AGRN: variants seen among roughly 807,000 people sequenced by gnomAD.
The protein encoded by AGRN is agrin proteoglycan.
AGRN carries 106 observed loss-of-function variants against 211.0 expected under a neutral mutation model. That is an observed-to-expected ratio of 0.50 (90% CI 0.43 to 0.59). The LOEUF (loss-of-function observed/expected upper bound fraction) is 0.59, where lower values mean the gene tolerates loss of function less well. Among genes scored for constraint, AGRN ranks in the 20% least tolerant of loss-of-function variants. AGRN has a pLI of 0.00. For synonymous variants in AGRN, 1,525 were observed against 1,332.5 expected (o/e 1.14, Z -3.15); for missense variants, 3,040 against 2,982.6 (o/e 1.02, Z -0.45).
chr1:1,043,389 C>T lies in AGRN; in HGVS notation c.1535C>T (p.Ala512Val), dbSNP rs375076629. The change falls in exon 8 of 36, where the codon GCG becomes GTG. Residue 512 changes from alanine (A) to valine (V), a missense_variant. Coordinates refer to ENST00000379370, the MANE Select transcript of AGRN (RefSeq NM_198576.4). ...AGCGACGGCGTCACATACGGCAGCG[C>T]GTGCGAGCTGGAGGCCACGGCCTGT... ...CGSDGVTYGS[A>V]CELEATACTL... 32 of 1,608,834 alleles carry T rather than the reference C, an allele frequency of 2.0e-5. No homozygotes were observed. The highest frequency in any genetic ancestry group is 1.3e-4 in the South Asian group (12 of 90,510).
Position 1,054,470 on chromosome 1 carries a change from C to T in AGRN, c.5899C>T (p.Gln1967Ter). The change falls in exon 35 of 36, where the codon CAG (glutamine) becomes TAG (stop). Residue 1967 changes from glutamine (Q) to a stop codon, truncating the protein, a stop_gained. Transcript: ENST00000379370. LOFTEE classifies it high-confidence loss of function. ...AHREQREGSL[Q>*]VGNEAPVTGS... ...CAGGGAGCAGAGGGAAGGTTCCCTGCAGGTGGGCAATGAGGCCCCTGTGAC... is the reference window on the plus strand; with the variant it reads ...CAGGGAGCAGAGGGAAGGTTCCCTGTAGGTGGGCAATGAGGCCCCTGTGAC... 1 of 1,596,686 alleles carries T rather than the reference C, an allele frequency of 6.3e-7. No individual in the cohort carries two copies. The highest frequency in any genetic ancestry group is 8.5e-7 in the Non-Finnish European group (1 of 1,172,152).
At position 1,045,883 on chromosome 1, in the gene AGRN, G is replaced by A. The variant is rs772001221; in HGVS notation, c.2680+7G>A. On this transcript the variant is annotated splice_region_variant and intron_variant, in intron 15 of 35. Coordinates refer to ENST00000379370, the MANE Select transcript of AGRN (RefSeq NM_198576.4). ...CCCGCGGGCTGTGAAGCTGGTGAGT[G>A]AGGGCCAGCGCTACCCTGGGGCTTC... 1.2e-6 allele frequency: 2 copies of A among 1,610,452 alleles called. No individual in the cohort carries two copies. The highest frequency in any genetic ancestry group is 1.7e-6 in the Non-Finnish European group (2 of 1,179,892).
At position 1,041,665 on chromosome 1, in the gene AGRN, C is replaced by G; in HGVS notation, c.1140C>G (p.Leu380=). 3 of 1,611,044 alleles carry G rather than the reference C, an allele frequency of 1.9e-6. No individual in the cohort carries two copies. Among genetic ancestry groups the G allele is most frequent in the Non-Finnish European group, 2.5e-6 (3 of 1,179,184 alleles). Residue 380 remains leucine (L), a synonymous_variant, in exon 6 of 36, where the codon CTC becomes CTG. Coordinates refer to ENST00000379370, the MANE Select transcript of AGRN (RefSeq NM_198576.4). The stretch of plus-strand genomic sequence containing the variant: ...GATCGGGGGCCGCCCGGGGTCTCCT[C>G]CTGCAGAAAGTGCGCTCCGGCCAGT... ...MGRSGAARGL[L]LQKVRSGQCQ... is the part of the protein sequence containing the mutation.
In AGRN at chr1:1,044,430, G is replaced by A. The variant is rs1278297283; in HGVS notation, c.2245G>A (p.Ala749Thr). The A allele has an allele frequency of 6.2e-6, 10 of 1,608,522 alleles. No homozygotes were observed. The highest frequency in any genetic ancestry group is 8.5e-6 in the Non-Finnish European group (10 of 1,177,950). Reference protein sequence around the residue: ...QRGLYVAAQGACRGPTFAPLP... With the variant: ...QRGLYVAAQGTCRGPTFAPLP... ...AGGGCTCTACGTAGCGGCCCAGGGA[G>A]CCTGCCGAGGTGAGCCGGCTGCACG... Residue 749 changes from alanine to threonine, a missense_variant, in exon 12 of 36, where the codon GCC becomes ACC. Physicochemically the swap from Ala to Thr is moderately conservative, Grantham distance 58 (BLOSUM62 0). This residue lies in a region of AGRN where 1,498 missense variants were observed against 1,457.8 expected (regional missense o/e 1.03). Transcript: ENST00000379370.
rs1645193614 is a variant in AGRN, at chr1:1,049,115, CG to C, written c.4298+61del. ...CTCAGGTGGGCGGGGAGGGGACGGGCGGGGGAGGGGGGGCCGGGGCAGCTCA... is the reference window on the plus strand; with the variant it reads ...CTCAGGTGGGCGGGGAGGGGACGGGCGGGGAGGGGGGGCCGGGGCAGCTCA... On this transcript the variant is annotated intron_variant, in intron 24 of 35. Transcript: ENST00000379370. 5.4e-3 allele frequency: 448 copies of C among 83,226 alleles called. 13 individuals carry two copies. Among genetic ancestry groups the C allele is most frequent in the African/African-American group, 0.047 (320 of 6,790 alleles). The allele number at this position is 83,226 out of a possible 1,614,324, so 5.2% of individuals were successfully genotyped here. A position where few individuals can be genotyped will look rare whatever the true frequency, so the allele number is the denominator to read the frequency against.
At position 1,047,659 on chromosome 1, in the gene AGRN, C is replaced by T. The variant is rs749229259; in HGVS notation, c.3603C>T (p.Arg1201=). 11 of 1,612,990 alleles carry T rather than the reference C, an allele frequency of 6.8e-6. No homozygotes were observed. Among genetic ancestry groups the T allele is most frequent in the Middle Eastern group, 1.6e-4 (1 of 6,084 alleles). ...LRDLGPGKSV[R]AIVDVHFDPT... Reference sequence around the variant, plus strand: ...ACCTGGGGCCCGGCAAATCCGTCCGCGCCATTGTGGATGTGCACTTTGACC... The same window carrying T: ...ACCTGGGGCCCGGCAAATCCGTCCGTGCCATTGTGGATGTGCACTTTGACC... Residue 1201 remains arginine, a synonymous_variant, in exon 21 of 36, where the codon CGC becomes CGT. Transcript: ENST00000379370.
At chr1:1,050,382 G>A (rs199935969) in intron 28 of AGRN, 45 bp from the exon 29 acceptor site, 4 of 1,612,784 alleles carry the variant, frequency 2.5e-6, no homozygotes, top group Non-Finnish European at 3.4e-6. Flanking sequence ...CGTCTCTCCT[G>A]TGGGGAGGGG....
rs372623851 is a variant in AGRN at position 1,042,026 on chromosome 1, C to T, written c.1248C>T (p.Cys416=). 62 of 1,610,332 alleles carry T rather than the reference C, an allele frequency of 3.9e-5. No individual in the cohort carries two copies. The Middle Eastern group carries it at 1.3e-3, about 34-fold the overall frequency. The change falls in exon 7 of 36, where the codon TGC becomes TGT. Residue 416 remains cysteine, a synonymous_variant. Coordinates refer to ENST00000379370, the MANE Select transcript of AGRN (RefSeq NM_198576.4). ...LSRRGRPRCS[C]DRVTCDGAYR... is the part of the protein sequence containing the mutation. ...GCCGTGGCCGTCCCCGCTGCTCCTG[C>T]GACCGCGTCACCTGTGACGGGGCCT...
Position 1,049,679 on chromosome 1 carries a change from C to G in AGRN, c.4628C>G (p.Ser1543Cys). The change falls in exon 26 of 36, where the codon TCT becomes TGT. Residue 1543 changes from serine to cysteine, a missense_variant. By Grantham distance (112) the Ser-to-Cys change is moderately radical. Transcript: ENST00000379370. ...GIGPGAATRG[S>C]GVGECGDHPC... ...GGGCCGGGGGCTGCCACCCGAGGCT[C>G]TGGCGTGGGCGAGTGCGGGGACCAC... is the stretch of plus-strand genomic sequence containing the variant. 6.4e-7 allele frequency: 1 copy of G among 1,574,370 alleles called. No individual in the cohort carries two copies. The highest frequency in any genetic ancestry group is 8.6e-7 in the Non-Finnish European group (1 of 1,161,100).
chr1:1,050,823 T>C lies in AGRN; in HGVS notation c.5239T>C (p.Leu1747=), dbSNP rs762628791. The C allele has an allele frequency of 1.9e-6, 3 of 1,583,212 alleles. No homozygotes were observed. Among genetic ancestry groups the C allele is most frequent in the Non-Finnish European group, 1.7e-6 (2 of 1,169,026 alleles). Residue 1747 remains leucine (L), a synonymous_variant, in exon 30 of 36, where the codon TTG becomes CTG. Transcript: ENST00000379370. The stretch of plus-strand genomic sequence containing the variant: ...GCGTGTGGGCGACGGCCCCCGTGTG[T>C]TGGGGGAGTCCCCGGTGAGTGCTCT... ...ALRVGDGPRV[L]GESPVPHTVL...
At chr1:1,035,947 TGGTGTGAG>T (rs1278619531) in intron 3 of AGRN, among the ~76,000 whole-genome samples, 3 of 150,742 alleles carry the variant, frequency 2.0e-5, no homozygotes, top group South Asian at 2.1e-4. Flanking sequence ...GTCATCGGGG[TGGTGTGAG>T]GGTGTGAGGG....
chr1:1,049,093 A>T, intron 24 of AGRN, 34 bp downstream of exon 24: 1 of 625,284 alleles, frequency 1.6e-6, no homozygotes, highest in African/African-American at 2.9e-5. Context: ...GGGGCAGCTC[A>T]GGTGGGCGGG....
chr1:1,054,975 C>G lies in AGRN; in HGVS notation c.6132C>G (p.Thr2044=), dbSNP rs752905025. The G allele has an allele frequency of 3.9e-6, 6 of 1,548,686 alleles. No individual in the cohort carries two copies. In the East Asian group the frequency reaches 1.2e-4, roughly 32 times the overall value. The change falls in exon 36 of 36, where the codon ACC becomes ACG. Residue 2044 remains threonine (T), a synonymous_variant. Transcript: ENST00000379370. Reference sequence around the variant, plus strand: ...AGCCAGAGCTGCGGCCCTGCCCCACCCCATGAGCTGGCACCAGAGCCCCGC... The same window carrying G: ...AGCCAGAGCTGCGGCCCTGCCCCACGCCATGAGCTGGCACCAGAGCCCCGC... The part of the protein sequence containing the change: ...VTKPELRPCP[T]P
intron 2 of AGRN, chr1:1,034,330 A>T: frequency 5.1e-6 from 5 of 985,346 alleles, no homozygotes; most frequent in Non-Finnish European, 6.0e-6. Context: ...CACATTTGGG[A>T]TTTCTACTCC....
intron 3 of AGRN, among the ~76,000 whole-genome samples, chr1:1,037,844 G>A (rs181109475): frequency 4.6e-5 from 7 of 152,276 alleles, no homozygotes; most frequent in African/African-American, 1.2e-4. Context: ...ATCTCGGGGC[G>A]TGGCTGCTGC....
chr1:1,047,159 C>T, intron 19 of AGRN, 168 bp from the exon 20 acceptor site: 1 of 1,354,726 alleles, frequency 7.4e-7, no homozygotes, highest in Non-Finnish European at 9.9e-7. Context: ...GAGGAGTCCT[C>T]CTGGTAACCG....
In AGRN at chr1:1,049,601, G is replaced by A; in HGVS notation, c.4550G>A (p.Arg1517Lys). The change falls in exon 26 of 36, where the codon AGG becomes AAG. Residue 1517 changes from arginine to lysine, a missense_variant. By Grantham distance (26) the Arg-to-Lys change is conservative. This residue lies in a region of AGRN where 1,537 missense variants were observed against 1,505.0 expected (regional missense o/e 1.02). Transcript: ENST00000379370. Reference sequence around the variant, plus strand: ...CGGACCTTCGTGGGCGCCGGCCTGAGGGGGTGCATCCGTTTGCTGGACGTC... The same window carrying A: ...CGGACCTTCGTGGGCGCCGGCCTGAAGGGGTGCATCCGTTTGCTGGACGTC... ...LERTFVGAGL[R>K]GCIRLLDVNN... 6.3e-7 allele frequency: 1 copy of A among 1,592,020 alleles called. No individual in the cohort carries two copies. The highest frequency in any genetic ancestry group is 8.5e-7 in the Non-Finnish European group (1 of 1,170,352).
At position 1,035,342 on chromosome 1, in the gene AGRN, C is replaced by T. The variant is rs372583504; in HGVS notation, c.511+18C>T. On this transcript the variant is annotated intron_variant, in intron 3 of 35. Transcript: ENST00000379370. ...TCCTGATGGTGAGTAGGGCTGAGTT[C>T]GGGGGACCTGGATGGGCTGTGGCAC... is the stretch of plus-strand genomic sequence containing the variant. The T allele has an allele frequency of 1.7e-4, 280 of 1,612,970 alleles. No homozygotes were observed. The highest frequency in any genetic ancestry group is 3.0e-4 in the Admixed American group (18 of 60,030).
rs1421236305 is a variant in AGRN, at chr1:1,051,821, G to A, written c.5651+6G>A. 1 of 1,613,464 alleles carries A rather than the reference G, an allele frequency of 6.2e-7. No homozygotes were observed. Among genetic ancestry groups the A allele is most frequent in the South Asian group, 1.1e-5 (1 of 91,086 alleles). The stretch of plus-strand genomic sequence containing the variant: ...CTCAACGCTGTGACCGAGAGGTAAC[G>A]TGCCATCCTCTGCTGGCTGTCGGTT... On this transcript the variant is annotated splice_donor_region_variant and intron_variant, in intron 33 of 35. Coordinates refer to ENST00000379370, the MANE Select transcript of AGRN (RefSeq NM_198576.4).
Sources: allele counts gnomAD v4.1 joint callset (sites outside exome capture counted in the v4.1 genomes callset), GRCh38; gene constraint gnomAD v4.1.1; regional missense constraint gnomAD v4.1.1; transcripts MANE v1.5; gene names NCBI Gene and HGNC (gene_info 2026-07-23, HGNC 2026-07-21).